ITGBL1: variants seen among roughly 807,000 people sequenced by gnomAD.
ITGBL1 encodes the protein integrin beta-like protein 1.
Under a neutral mutation model 68.5 loss-of-function variants are expected in ITGBL1, and 51 were observed. The observed-to-expected ratio is 0.74, with a 90% CI of 0.59 to 0.94. The LOEUF is 0.94. ITGBL1 is among the 40% of genes least tolerant of loss of function. The pLI is 0.00. For synonymous variants in ITGBL1, 209 were observed against 227.3 expected, an observed-to-expected ratio of 0.92 and a Z score of 0.72; for missense variants, 649 against 647.4, an observed-to-expected ratio of 1.00 and a Z score of -0.03.
At chr13:101,647,992 C>T (rs2032617693) in intron 7 of ITGBL1, among the ~76,000 whole-genome samples, 1 of 152,090 alleles carries the variant, frequency 6.6e-6, no homozygotes, top group Non-Finnish European at 1.5e-5. Context: ...CTTACAGAAG[C>T]GTATGGAAGT....
intron 2 of ITGBL1, among the ~76,000 whole-genome samples, chr13:101,550,281 A>C (rs915482323): frequency 6.6e-6 from 1 of 152,136 alleles, no homozygotes; most frequent in East Asian, 1.9e-4. Flanking sequence ...CTGGAGAAAA[A>C]GAGTATATTT....
At chr13:101,638,694 T>C (rs1437487169) in intron 7 of ITGBL1, among the ~76,000 whole-genome samples, 2 of 152,072 alleles carry the variant, frequency 1.3e-5, no homozygotes, top group Non-Finnish European at 2.9e-5. Flanking sequence ...GAGAGCAATA[T>C]GGGGGAAACC....
intron 7 of ITGBL1, among the ~76,000 whole-genome samples, chr13:101,653,870 G>GTTTTTTTT (rs1156397350): frequency 3.6e-5 from 2 of 55,130 alleles, no homozygotes; most frequent in African/African-American, 5.6e-5. Flanking sequence ...TTTGTTTTTT[G>GTTTTTTTT]TTTTTTTTTT....
intron 9 of ITGBL1, among the ~76,000 whole-genome samples, chr13:101,710,312 CCCTTT>C (rs2034399612): frequency 6.6e-6 from 1 of 152,148 alleles, no homozygotes; most frequent in African/African-American, 2.4e-5. Context: ...CCTTCTTTTC[CCCTTT>C]TATGGAGACA....
chr13:101,707,640 G>C (rs2034291380), intron 9 of ITGBL1, among the ~76,000 whole-genome samples: 1 of 151,966 alleles, frequency 6.6e-6, no homozygotes, highest in Non-Finnish European at 1.5e-5. Context: ...AGGAGTTCTA[G>C]ACCAGCCTGG....
In ITGBL1 at chr13:101,714,515, A is replaced by G; in HGVS notation, c.1357A>G (p.Arg453Gly). Residue 453 changes from arginine (R) to glycine (G), a missense_variant, in exon 10 of 11, where the codon AGA (arginine) becomes GGA (glycine). By Grantham distance (125) the Arg-to-Gly change is moderately radical (BLOSUM62 -2). Transcript: ENST00000376180. The stretch of plus-strand genomic sequence containing the variant: ...TGGGGAGTTCTGTGACTGTGATGAC[A>G]GAGACTGCGACAAACATGATGGTCT... ...ISGEFCDCDD[R>G]DCDKHDGLIC... The G allele has an allele frequency of 6.2e-7, 1 of 1,610,980 alleles. No individual in the cohort carries two copies. The highest frequency in any genetic ancestry group is 8.5e-7 in the Non-Finnish European group (1 of 1,177,178).
At chr13:101,540,600 G>A (rs2049678183) in intron 2 of ITGBL1, among the ~76,000 whole-genome samples, 1 of 152,162 alleles carries the variant, frequency 6.6e-6, no homozygotes, top group Admixed American at 6.5e-5. Flanking sequence ...AAAATCATTG[G>A]TAGCTTGATG....
intron 7 of ITGBL1, among the ~76,000 whole-genome samples, chr13:101,605,012 GTA>G (rs1446027550): frequency 5.3e-4 from 17 of 32,056 alleles, no homozygotes; most frequent in African/African-American, 7.3e-4. Flanking sequence ...ACATATATGC[GTA>G]TATGTGTATA....
intron 2 of ITGBL1, among the ~76,000 whole-genome samples, chr13:101,457,513 G>A (rs546020447): frequency 6.6e-6 from 1 of 152,300 alleles, no homozygotes; most frequent in East Asian, 1.9e-4. Context: ...GTTTCTTCCA[G>A]TGTCCACTTG....
chr13:101,548,108 G>A (rs945254343), intron 2 of ITGBL1, among the ~76,000 whole-genome samples: 2 of 151,728 alleles, frequency 1.3e-5, no homozygotes, highest in African/African-American at 4.8e-5. Flanking sequence ...AATAAGTTTA[G>A]TTCCTTCTTA....
Position 101,625,269 on chromosome 13 carries a change from G to A in ITGBL1, c.1015+26970G>A, listed in dbSNP as rs189684993. Among the ~76,000 whole-genome samples, 390 of 152,294 alleles carry A rather than the reference G, an allele frequency of 2.6e-3. 1 individual carries two copies. The highest frequency in any genetic ancestry group is 4.2e-3 in the Non-Finnish European group (287 of 68,032). Reference sequence around the variant, plus strand: ...AACACTCTTGGCACAGACTTTAGCCGTTGAGGAACTTCTTAGTTATAAATG... The same window carrying A: ...AACACTCTTGGCACAGACTTTAGCCATTGAGGAACTTCTTAGTTATAAATG... On this transcript the variant is annotated intron_variant, in intron 7 of 10. Transcript: ENST00000376180.
intron 2 of ITGBL1, among the ~76,000 whole-genome samples, chr13:101,477,327 A>G (rs1594833515): frequency 6.6e-6 from 1 of 152,074 alleles, no homozygotes; most frequent in East Asian, 1.9e-4. Context: ...CCTATGGAAT[A>G]CAATGAAAAC....
At chr13:101,515,562 A>G (rs951306169) in intron 2 of ITGBL1, among the ~76,000 whole-genome samples, 3 of 152,100 alleles carry the variant, frequency 2.0e-5, no homozygotes, top group African/African-American at 7.2e-5. Flanking sequence ...GAAGCAGCAA[A>G]GGTATCTGCC....
intron 2 of ITGBL1, among the ~76,000 whole-genome samples, chr13:101,473,675 G>A (rs112803895): frequency 1.3e-5 from 2 of 152,172 alleles, no homozygotes; most frequent in Non-Finnish European, 2.9e-5. Flanking sequence ...ACCAGCCAGG[G>A]CAGCCAAGGG....
intron 6 of ITGBL1, among the ~76,000 whole-genome samples, chr13:101,591,368 C>T (rs572108196): frequency 1.3e-5 from 2 of 152,056 alleles, no homozygotes; most frequent in Non-Finnish European, 2.9e-5. Context: ...TTTTCTTTTC[C>T]TTTCAACTGA....
At chr13:101,578,959 C>T (rs1045438658) in intron 4 of ITGBL1, among the ~76,000 whole-genome samples, 3 of 152,100 alleles carry the variant, frequency 2.0e-5, no homozygotes, top group African/African-American at 7.2e-5. Flanking sequence ...AGTGAATGCT[C>T]ATATATATTT....
intron 8 of ITGBL1, among the ~76,000 whole-genome samples, chr13:101,694,330 A>G (rs1010105040): frequency 1.3e-5 from 2 of 152,228 alleles, no homozygotes; most frequent in African/African-American, 4.8e-5. Context: ...ATGTATATAT[A>G]CGTATTCATG....
rs143434367 is a variant in ITGBL1, at chr13:101,502,133, C to T, written c.316+48033C>T. The stretch of plus-strand genomic sequence containing the variant: ...GATATAAGTACACACTTAAAAAAAA[C>T]AACTAATGCTCTTTGATAGCTTAAA... On this transcript the variant is annotated intron_variant, in intron 2 of 10. Coordinates refer to ENST00000376180, the MANE Select transcript of ITGBL1 (RefSeq NM_004791.3). Among the ~76,000 whole-genome samples the T allele has an allele frequency of 9.8e-3, 1,489 of 152,204 alleles. 25 individuals carry two copies. Among genetic ancestry groups the T allele is most frequent in the African/African-American group, 0.034 (1,414 of 41,544 alleles).
intron 2 of ITGBL1, among the ~76,000 whole-genome samples, chr13:101,500,024 A>T (rs1255511938): frequency 6.6e-6 from 1 of 152,162 alleles, no homozygotes; most frequent in Non-Finnish European, 1.5e-5. Context: ...ACTGAAGGCC[A>T]TAGGTTTATC....
Sources: allele counts gnomAD v4.1 joint callset (sites outside exome capture counted in the v4.1 genomes callset), GRCh38; gene constraint gnomAD v4.1.1; transcripts MANE v1.5; gene names NCBI Gene and HGNC (gene_info 2026-07-23, HGNC 2026-07-21).